Variants in CDH26 observed in about 807,000 individuals in gnomAD.
The protein encoded by CDH26 is cadherin 26.
Under a neutral mutation model 90.3 loss-of-function variants are expected in CDH26, and 83 were observed. The ratio of observed to expected loss-of-function variants is 0.92; its 90% CI spans 0.77 to 1.10. CDH26 has a LOEUF of 1.10. CDH26 is among the 50% of genes least tolerant of loss of function. The pLI, the probability that CDH26 is intolerant of heterozygous loss-of-function variation, is 0.00. For synonymous variants in CDH26, 397 were observed against 396.3 expected (o/e 1.00, Z -0.02); for missense variants, 1,013 against 1,037.6 (o/e 0.98, Z 0.33).
exon 8 of CDH26, chr20:60,031,272 C>T: frequency 7.9e-7 from 1 of 1,266,244 alleles, no homozygotes; most frequent in Non-Finnish European, 1.0e-6. Flanking sequence ...GGGGCTGCAT[C>T]ATCCCCCAGG....
At chr20:59,966,018 GC>G (rs1479080303) in intron 1 of CDH26, among the ~76,000 whole-genome samples, 2 of 152,044 alleles carry the variant, frequency 1.3e-5, no homozygotes, top group African/African-American at 4.8e-5. Context: ...TTATTAGGAA[GC>G]TTTCATGCTT....
At chr20:60,016,904 G>A (rs2061909917), downstream of CDH26, among the ~76,000 whole-genome samples, 2 of 152,072 alleles carry the variant, frequency 1.3e-5, no homozygotes, top group Admixed American at 6.6e-5. Context: ...TTTTGTTGAT[G>A]TGATGTATCA....
At chr20:60,002,425 A>G (rs1226226567) in intron 15 of CDH26, among the ~76,000 whole-genome samples, 1 of 151,798 alleles carries the variant, frequency 6.6e-6, no homozygotes, top group African/African-American at 2.4e-5. Flanking sequence ...TTCTACTGTC[A>G]CCATCTTGAA....
At chr20:59,958,909 G>A (rs2061032390) in intron 1 of CDH26, 114 bp downstream of exon 1, 3 of 1,044,422 alleles carry the variant, frequency 2.9e-6, no homozygotes, top group Non-Finnish European at 4.2e-6. Context: ...TGACCTGCTG[G>A]GACCCAGGGC....
chr20:59,971,358 G>A (rs547468967), intron 3 of CDH26, among the ~76,000 whole-genome samples: 2 of 152,148 alleles, frequency 1.3e-5, no homozygotes, highest in Admixed American at 6.5e-5. Flanking sequence ...TGTACAATGC[G>A]GTCAATGATA....
In CDH26 at chr20:59,970,155, A is replaced by T. The variant is rs760219581; in HGVS notation, c.200A>T (p.Asp67Val). 5 of 1,613,984 alleles carry T rather than the reference A, an allele frequency of 3.1e-6. No homozygotes were observed. The South Asian group carries it at 5.5e-5, about 18-fold the overall frequency. ...VITTLELEEEDPGPFPKLIGE... is the reference protein window; with the variant it reads ...VITTLELEEEVPGPFPKLIGE... ...ACCACCTTGGAGCTGGAGGAGGAAG[A>T]CCCGGGACCCTTTCCCAAACTCATT... The change falls in exon 3 of 18, where the codon GAC becomes GTC. Residue 67 changes from aspartate to valine, a missense_variant. Physicochemically the swap from Asp to Val is radical, Grantham distance 152. Transcript: ENST00000348616.
exon 9 of CDH26, chr20:60,033,811 GAAGAAGAAATAA>G: frequency 4.8e-5 from 54 of 1,135,742 alleles, no homozygotes; most frequent in Middle Eastern, 8.2e-4. Flanking sequence ...GTGTGATCAT[GAAGAAGAAATAA>G]TGTGCAAAGC....
chr20:59,986,960 C>G lies in CDH26; in HGVS notation c.838-493C>G, dbSNP rs115211219. Among the ~76,000 whole-genome samples, 451 of 152,024 alleles carry G rather than the reference C, an allele frequency of 3.0e-3. 1 individual carries two copies. Among genetic ancestry groups the G allele is most frequent in the African/African-American group, 0.011 (438 of 41,438 alleles). ...AAAATATGGCTGGAAAAAAAATATA[C>G]CCTCTTATTTTGAAGTGCTTGTCTA... is the stretch of plus-strand genomic sequence containing the variant. On this transcript the variant is annotated intron_variant, in intron 7 of 17. Transcript: ENST00000348616.
At chr20:59,986,484 C>G (rs2061459869) in intron 7 of CDH26, among the ~76,000 whole-genome samples, 1 of 152,070 alleles carries the variant, frequency 6.6e-6, no homozygotes, top group Admixed American at 6.5e-5. Flanking sequence ...TTTCCTTTCT[C>G]CTGACTCTCT....
chr20:59,999,421 G>A lies in CDH26; in HGVS notation c.2020-165G>A, dbSNP rs2061645383. Among the ~76,000 whole-genome samples, 3 of 152,198 alleles carry A rather than the reference G, an allele frequency of 2.0e-5. No homozygotes were observed. In the South Asian group the frequency reaches 6.2e-4, roughly 31 times the overall value. On this transcript the variant is annotated intron_variant, in intron 13 of 17. Coordinates refer to ENST00000348616, the MANE Select transcript of CDH26 (RefSeq NM_177980.4). ...GAAATAACATTCTTTTCCCACATAAGTCATCCAGATTTACAGGAGAGGTGT... is the reference window on the plus strand; with the variant it reads ...GAAATAACATTCTTTTCCCACATAAATCATCCAGATTTACAGGAGAGGTGT...
intron 13 of CDH26, among the ~76,000 whole-genome samples, chr20:59,998,536 A>G (rs935660212): frequency 6.6e-6 from 1 of 152,200 alleles, no homozygotes; most frequent in African/African-American, 2.4e-5. Flanking sequence ...CAGTGGGACA[A>G]GAGAACCTCA....
At chr20:60,015,759 C>A (rs571479971), downstream of CDH26, among the ~76,000 whole-genome samples, 6 of 152,296 alleles carry the variant, frequency 3.9e-5, no homozygotes, top group South Asian at 1.2e-3. Flanking sequence ...AGTTTTGGGT[C>A]TCACATTTAG....
At chr20:59,979,766 A>G (rs2061372727) in intron 4 of CDH26, among the ~76,000 whole-genome samples, 1 of 151,532 alleles carries the variant, frequency 6.6e-6, no homozygotes, top group African/African-American at 2.4e-5. Context: ...AGCTGGGATT[A>G]CAGGCACCCA....
chr20:59,996,548 T>C lies in CDH26; in HGVS notation c.1889-83T>C, dbSNP rs1226530488. The C allele has an allele frequency of 9.3e-6, 15 of 1,614,190 alleles. No individual in the cohort carries two copies. In the East Asian group the frequency reaches 2.0e-4, roughly 22 times the overall value. ...GCCTTGCCAGTTCATGACTGAGTTATACATGAACAGAACAAGATCCTCATG... is the reference window on the plus strand; with the variant it reads ...GCCTTGCCAGTTCATGACTGAGTTACACATGAACAGAACAAGATCCTCATG... On this transcript the variant is annotated intron_variant, in intron 12 of 17. Coordinates refer to ENST00000348616, the MANE Select transcript of CDH26 (RefSeq NM_177980.4).
chr20:59,969,303 A>G (rs1435181110), intron 2 of CDH26, among the ~76,000 whole-genome samples: 1 of 152,200 alleles, frequency 6.6e-6, no homozygotes, highest in East Asian at 1.9e-4. Flanking sequence ...TCTTTATGGA[A>G]TTAAAATATA....
At chr20:59,964,492 T>C (rs901986314) in intron 1 of CDH26, among the ~76,000 whole-genome samples, 3 of 151,034 alleles carry the variant, frequency 2.0e-5, no homozygotes, top group African/African-American at 4.8e-5. Flanking sequence ...TGTAAATCTT[T>C]TGAAAGATTT....
rs780002707 is a variant in CDH26, at chr20:59,972,137, G to A, written c.393+14G>A. The A allele has an allele frequency of 2.5e-6, 4 of 1,611,376 alleles. No homozygotes were observed. The South Asian group carries it at 4.4e-5, about 18-fold the overall frequency. On this transcript the variant is annotated intron_variant, in intron 4 of 17. Coordinates refer to ENST00000348616, the MANE Select transcript of CDH26 (RefSeq NM_177980.4). Reference sequence around the variant, plus strand: ...CCATCTTTCACGGTATCTAAAACTTGATATATTCTAAGCTCGGATTTAAAA... The same window carrying A: ...CCATCTTTCACGGTATCTAAAACTTAATATATTCTAAGCTCGGATTTAAAA...
intron 17 of CDH26, among the ~76,000 whole-genome samples, chr20:60,011,058 A>C (rs2061832384): frequency 6.6e-6 from 1 of 152,160 alleles, no homozygotes; most frequent in Admixed American, 6.5e-5. Flanking sequence ...AGAACAAGAA[A>C]TGAGTTTAGT....
intron 7 of CDH26, among the ~76,000 whole-genome samples, chr20:60,021,647 A>T (rs2061952107): frequency 6.6e-6 from 1 of 152,058 alleles, no homozygotes. Flanking sequence ...AGTTTTGCTT[A>T]TTTGTGAATT....
Sources: gnomAD v4.1 joint callset for allele counts (sites outside exome capture counted in the v4.1 genomes callset) on GRCh38, gnomAD v4.1.1 for gene constraint, MANE v1.5 for transcripts, NCBI Gene and HGNC (gene_info 2026-07-23, HGNC 2026-07-21) for gene names.